The following SOX6 variants were observed in gnomAD, a reference collection of about 807,000 sequenced individuals.
SOX6 encodes SRY-box transcription factor 6.
A neutral mutation model predicts 97.8 loss-of-function variants in SOX6; 11 were observed. The ratio of observed to expected loss-of-function variants is 0.11; its 90% CI spans 0.07 to 0.19. The LOEUF (loss-of-function observed/expected upper bound fraction) is 0.19, where lower values mean the gene tolerates loss of function less well. Ranked by LOEUF, SOX6 falls within the 10% of genes least tolerant of loss-of-function variation. The pLI, the probability that SOX6 is intolerant of heterozygous loss-of-function variation, is 1.00. For synonymous variants in SOX6, 360 were observed against 371.4 expected (o/e 0.97, Z 0.35); for missense variants, 810 against 1,039.5 (o/e 0.78, Z 3.04).
chr11:16,032,336 G>T (rs1012079837), intron 12 of SOX6, among the ~76,000 whole-genome samples: 2 of 152,156 alleles, frequency 1.3e-5, no homozygotes, highest in Non-Finnish European at 2.9e-5. Context: ...GCTAATAAAA[G>T]ATATCAATAA....
chr11:16,351,374 T>C (rs1443534131), intron 1 of SOX6, among the ~76,000 whole-genome samples: 1 of 152,114 alleles, frequency 6.6e-6, no homozygotes, highest in Non-Finnish European at 1.5e-5. Flanking sequence ...ACCATACTTA[T>C]AATCACCTTA....
At chr11:16,357,892 G>A (rs1443071217), upstream of SOX6, among the ~76,000 whole-genome samples, 1 of 152,118 alleles carries the variant, frequency 6.6e-6, no homozygotes, top group African/African-American at 2.4e-5. Flanking sequence ...ATAAAAGCAA[G>A]CATGCATATG....
intron 9 of SOX6, among the ~76,000 whole-genome samples, chr11:16,074,965 C>T (rs550811278): frequency 6.6e-6 from 1 of 152,282 alleles, no homozygotes; most frequent in African/African-American, 2.4e-5. Flanking sequence ...CGACTACAAA[C>T]TATACTACAA....
intron 4 of SOX6, among the ~76,000 whole-genome samples, chr11:16,499,192 C>T (rs1212471978): frequency 6.6e-6 from 1 of 152,144 alleles, no homozygotes; most frequent in Non-Finnish European, 1.5e-5. Context: ...ACTGAACAAC[C>T]TGCTCCTGAA....
chr11:16,494,797 C>T (rs1235630475), intron 4 of SOX6, among the ~76,000 whole-genome samples: 1 of 152,154 alleles, frequency 6.6e-6, no homozygotes, highest in Non-Finnish European at 1.5e-5. Context: ...CATATTCCCA[C>T]AGTGAACTCC....
rs1185060152 is a variant in SOX6 at position 16,070,629 on chromosome 11, C to T, written c.1102-14728G>A. On this transcript the variant is annotated intron_variant, in intron 9 of 15. Transcript: ENST00000683767. ...GTTAGTGAACACTGACCCTGCAAGCCAATCATCTCTGAAACCACGTCAGTA... is the reference window on the plus strand; with the variant it reads ...GTTAGTGAACACTGACCCTGCAAGCTAATCATCTCTGAAACCACGTCAGTA... Among the ~76,000 whole-genome samples, 3 of 152,214 alleles carry T rather than the reference C, an allele frequency of 2.0e-5. No individual in the cohort carries two copies. The East Asian group carries it at 5.8e-4, about 30-fold the overall frequency.
At chr11:16,351,273 C>T (rs1856940187) in intron 1 of SOX6, among the ~76,000 whole-genome samples, 2 of 151,974 alleles carry the variant, frequency 1.3e-5, no homozygotes, top group African/African-American at 4.8e-5. Context: ...ACACTCTATC[C>T]ACCTCCTCAT....
intron 9 of SOX6, among the ~76,000 whole-genome samples, chr11:16,075,225 T>A (rs1293532478): frequency 6.6e-6 from 1 of 152,158 alleles, no homozygotes; most frequent in Non-Finnish European, 1.5e-5. Context: ...CAAGACTGGG[T>A]AATTTATAAA....
At chr11:16,133,571 C>T (rs1038332958) in intron 6 of SOX6, among the ~76,000 whole-genome samples, 9 of 152,114 alleles carry the variant, frequency 5.9e-5, no homozygotes, top group African/African-American at 2.2e-4. Context: ...TTATGAGGCA[C>T]AAAAATAAAA....
At chr11:16,673,666 ACATT>A (rs1001338019) in intron 3 of SOX6, among the ~76,000 whole-genome samples, 8 of 152,332 alleles carry the variant, frequency 5.3e-5, no homozygotes, top group Non-Finnish European at 1.2e-4. Flanking sequence ...ATTTTACCAA[ACATT>A]TAAAGAACTA....
At chr11:16,279,491 T>C (rs1481617842) in intron 3 of SOX6, among the ~76,000 whole-genome samples, 2 of 152,102 alleles carry the variant, frequency 1.3e-5, no homozygotes, top group Non-Finnish European at 2.9e-5. Context: ...GTGACTATAT[T>C]TCTTTATATG....
At chr11:16,523,903 A>C (rs1427968207) in intron 4 of SOX6, among the ~76,000 whole-genome samples, 1 of 152,128 alleles carries the variant, frequency 6.6e-6, no homozygotes, top group East Asian at 1.9e-4. Context: ...TAAATTCCTC[A>C]ACACATACAC....
intron 4 of SOX6, among the ~76,000 whole-genome samples, chr11:16,233,999 GCA>G (rs1852935971): frequency 7.5e-6 from 1 of 134,018 alleles, no homozygotes; most frequent in South Asian, 2.3e-4. Context: ...GAGTGAGACT[GCA>G]TCTCAAAAAA....
At chr11:16,404,513 C>T (rs1858642977) in intron 1 of SOX6, among the ~76,000 whole-genome samples, 1 of 151,784 alleles carries the variant, frequency 6.6e-6, no homozygotes, top group African/African-American at 2.4e-5. Flanking sequence ...AATAGAAAGC[C>T]ATTTTTTAAA....
At chr11:16,519,067 A>C (rs1269372091) in intron 4 of SOX6, among the ~76,000 whole-genome samples, 1 of 152,196 alleles carries the variant, frequency 6.6e-6, no homozygotes, top group East Asian at 1.9e-4. Context: ...AAGCGCTTTC[A>C]AATCCACTAG....
At chr11:15,976,887 A>G (rs1368467599) in intron 15 of SOX6, among the ~76,000 whole-genome samples, 1 of 152,036 alleles carries the variant, frequency 6.6e-6, no homozygotes, top group Non-Finnish European at 1.5e-5. Flanking sequence ...ACTCTAACTG[A>G]AACTTGGCTC....
At chr11:16,274,399 T>G (rs1401860973) in intron 3 of SOX6, among the ~76,000 whole-genome samples, 1 of 152,170 alleles carries the variant, frequency 6.6e-6, no homozygotes, top group East Asian at 1.9e-4. Flanking sequence ...CTTCCATTTG[T>G]ATAAATGTGT....
At chr11:16,414,438 G>A (rs1858885081) in intron 1 of SOX6, among the ~76,000 whole-genome samples, 1 of 152,052 alleles carries the variant, frequency 6.6e-6, no homozygotes, top group South Asian at 2.1e-4. Flanking sequence ...AAAAGAATTG[G>A]GAATATGGAA....
chr11:16,208,418 T>C (rs1268955026), intron 4 of SOX6, among the ~76,000 whole-genome samples: 1 of 152,244 alleles, frequency 6.6e-6, no homozygotes, highest in East Asian at 1.9e-4. Flanking sequence ...GCAAAAGCAA[T>C]GGTGAGTGAA....
Sources: gnomAD v4.1 joint callset for allele counts (sites outside exome capture counted in the v4.1 genomes callset) on GRCh38, gnomAD v4.1.1 for gene constraint, MANE v1.5 for transcripts, NCBI Gene and HGNC (gene_info 2026-07-23, HGNC 2026-07-21) for gene names.